DPH6: variants seen among roughly 807,000 people sequenced by gnomAD.
The protein encoded by DPH6 is diphthine--ammonia ligase.
Under a neutral mutation model 38.2 loss-of-function variants are expected in DPH6, and 33 were observed. The observed-to-expected ratio is 0.86, with a 90% CI of 0.65 to 1.15. The LOEUF is 1.15. Ranked by LOEUF, DPH6 falls within the 50% of genes most tolerant of loss-of-function variation. The pLI is 0.00. For missense variants in DPH6, 325 were observed against 320.0 expected, an observed-to-expected ratio of 1.02 and a Z score of -0.12; for synonymous variants, 108 against 103.0, an observed-to-expected ratio of 1.05 and a Z score of -0.30.
At chr15:35,430,717 C>T (rs1216587970) in intron 5 of DPH6, among the ~76,000 whole-genome samples, 1 of 152,122 alleles carries the variant, frequency 6.6e-6, no homozygotes, top group African/African-American at 2.4e-5. Flanking sequence ...AAGTCATCAT[C>T]AATGTCAACT....
At chr15:35,423,032 A>C (rs1049665079) in intron 5 of DPH6, among the ~76,000 whole-genome samples, 4 of 151,852 alleles carry the variant, frequency 2.6e-5, no homozygotes, top group Non-Finnish European at 5.9e-5. Flanking sequence ...GTGAGTGCAG[A>C]TATCTCTTGG....
chr15:35,460,059 T>G (rs1294923267), intron 3 of DPH6, among the ~76,000 whole-genome samples: 1 of 152,170 alleles, frequency 6.6e-6, no homozygotes, highest in East Asian at 1.9e-4. Flanking sequence ...CTTACTGACA[T>G]AGTACCATAT....
intron 5 of DPH6, among the ~76,000 whole-genome samples, chr15:35,426,676 A>C (rs1257433392): frequency 2.0e-5 from 3 of 151,754 alleles, no homozygotes; most frequent in Non-Finnish European, 4.4e-5. Context: ...TGTTAACCCA[A>C]AAGGTGAGAC....
intron 3 of DPH6, among the ~76,000 whole-genome samples, chr15:35,278,521 T>C (rs2051874208): frequency 6.6e-6 from 1 of 152,160 alleles, no homozygotes; most frequent in Non-Finnish European, 1.5e-5. Context: ...TTGGAGACCC[T>C]ATACAGAGTC....
At chr15:35,213,323 C>T (rs1034105904), downstream of DPH6, among the ~76,000 whole-genome samples, 3 of 152,140 alleles carry the variant, frequency 2.0e-5, no homozygotes, top group Admixed American at 1.3e-4. Context: ...AATGAGATAC[C>T]GTTAACAGTA....
At chr15:35,265,011 T>C (rs544092320) in intron 3 of DPH6, among the ~76,000 whole-genome samples, 32 of 152,292 alleles carry the variant, frequency 2.1e-4, no homozygotes, top group Non-Finnish European at 4.1e-4. Context: ...CCGATGTTCA[T>C]AATTATTACT....
chr15:35,533,136 G>T (rs1468466391), intron 3 of DPH6, among the ~76,000 whole-genome samples: 1 of 151,800 alleles, frequency 6.6e-6, no homozygotes, highest in Non-Finnish European at 1.5e-5. Context: ...ATCTAGGATG[G>T]TTTCCAAGTT....
At chr15:35,148,590 G>A in the DPH6 span, among the ~76,000 whole-genome samples, 5 of 151,948 alleles carry the variant, frequency 3.3e-5, no homozygotes, top group South Asian at 2.1e-4. Flanking sequence ...TAGTCAACAC[G>A]TGTTCTTGAT....
At chr15:35,303,351 T>C (rs1330675459) in intron 3 of DPH6, among the ~76,000 whole-genome samples, 4 of 151,802 alleles carry the variant, frequency 2.6e-5, no homozygotes, top group Non-Finnish European at 4.4e-5. Context: ...ATAATAGCGC[T>C]AATAAGAAGG....
intron 3 of DPH6, among the ~76,000 whole-genome samples, chr15:35,302,610 C>T (rs2140806428): frequency 6.6e-6 from 1 of 152,260 alleles, no homozygotes; most frequent in Admixed American, 6.5e-5. Flanking sequence ...CAGAGTTTGA[C>T]AACTGACTCC....
chr15:35,235,217 A>G (rs559459108), intron 3 of DPH6, among the ~76,000 whole-genome samples: 1 of 152,272 alleles, frequency 6.6e-6, no homozygotes, highest in East Asian at 1.9e-4. Context: ...GAGTTTTCCA[A>G]TGACTGTCTA....
the DPH6 span, among the ~76,000 whole-genome samples, chr15:35,158,323 G>C: frequency 6.6e-6 from 1 of 152,096 alleles, no homozygotes; most frequent in Admixed American, 6.6e-5. Flanking sequence ...GAAGGTATCA[G>C]TATTTGCATT....
intron 3 of DPH6, chr15:35,282,738 G>A (rs2051907598): frequency 2.8e-6 from 1 of 350,970 alleles, no homozygotes; most frequent in South Asian, 3.1e-5. Flanking sequence ...CAGTTCCAGG[G>A]GAAAGCTGCC....
At chr15:35,357,303 C>T (rs927584797) in intron 3 of DPH6, among the ~76,000 whole-genome samples, 10 of 152,176 alleles carry the variant, frequency 6.6e-5, no homozygotes, top group African/African-American at 1.2e-4. Flanking sequence ...CACCACTGTC[C>T]GACACTCCCC....
intron 3 of DPH6, among the ~76,000 whole-genome samples, chr15:35,245,278 G>T (rs531111692): frequency 5.3e-5 from 6 of 113,344 alleles, no homozygotes; most frequent in African/African-American, 6.7e-5. Context: ...TTGCACTCTC[G>T]CCCAGGCTGG....
intron 6 of DPH6, among the ~76,000 whole-genome samples, chr15:35,405,221 AT>A (rs376514522): frequency 6.7e-4 from 100 of 148,964 alleles, no homozygotes; most frequent in African/African-American, 2.0e-3. Context: ...AAATTTTAGG[AT>A]TTTTTTTTTA....
intron 3 of DPH6, among the ~76,000 whole-genome samples, chr15:35,261,093 A>G (rs1332088436): frequency 6.6e-6 from 1 of 152,210 alleles, no homozygotes; most frequent in Non-Finnish European, 1.5e-5. Context: ...ATTTCTGCAT[A>G]CCTCAGTCCT....
intron 7 of DPH6, among the ~76,000 whole-genome samples, chr15:35,377,655 C>A (rs956923550): frequency 3.3e-5 from 5 of 152,098 alleles, no homozygotes; most frequent in African/African-American, 1.2e-4. Flanking sequence ...TTTCTCATCT[C>A]AAAATTTCTA....
chr15:35,230,324 G>A (rs1412788795), intron 3 of DPH6, among the ~76,000 whole-genome samples: 2 of 152,192 alleles, frequency 1.3e-5, no homozygotes, highest in Admixed American at 6.5e-5. Flanking sequence ...ACAAGGTATA[G>A]TGCCAGACTA....
Sources: allele counts gnomAD v4.1 joint callset (sites outside exome capture counted in the v4.1 genomes callset), GRCh38; gene constraint gnomAD v4.1.1; transcripts MANE v1.5; gene names NCBI Gene and HGNC (gene_info 2026-07-23, HGNC 2026-07-21).